The following COL24A1 variants were observed in gnomAD, a reference collection of about 807,000 sequenced individuals.
COL24A1 encodes the protein collagen type XXIV alpha 1 chain, also known as collagen alpha-1(XXIV) chain.
Under a neutral mutation model 253.9 loss-of-function variants are expected in COL24A1, and 224 were observed. That is an observed-to-expected ratio of 0.88 (90% CI 0.79 to 0.99). COL24A1 has a LOEUF of 0.99. Among genes scored for constraint, COL24A1 ranks in the 50% least tolerant of loss-of-function variants. The pLI is 0.00. For missense variants in COL24A1, 2,131 were observed against 2,068.5 expected (o/e 1.03, Z -0.59); for synonymous variants, 685 against 673.7 (o/e 1.02, Z -0.26).
chr1:85,883,937 G>C (rs919592346), intron 32 of COL24A1: 6 of 151,940 alleles, frequency 3.9e-5, no homozygotes, highest in Non-Finnish European at 8.8e-5. Context: ...TTATTATTTT[G>C]TACAAATTGT....
chr1:85,927,141 G>T lies in COL24A1; in HGVS notation c.2563-15708C>A, dbSNP rs183156125. On this transcript the variant is annotated intron_variant, in intron 24 of 59. Transcript: ENST00000370571. ...CCCAGCGTGAGCGACGCAGAAGACG[G>T]GTGATTTCTGCACTTCCATCTGAGG... Among the ~76,000 whole-genome samples, 527 of 152,248 alleles carry T rather than the reference G, an allele frequency of 3.5e-3. 1 individual carries two copies. Among genetic ancestry groups the T allele is most frequent in the Admixed American group, 5.3e-3 (81 of 15,300 alleles).
intron 7 of COL24A1, among the ~76,000 whole-genome samples, chr1:86,083,303 A>T (rs199709022): frequency 7.3e-5 from 11 of 150,646 alleles, no homozygotes; most frequent in South Asian, 2.1e-4. Context: ...GTCTCAAAAA[A>T]ATATATATAT....
chr1:85,971,415 A>G (rs1278726081), intron 20 of COL24A1, 22 bp from the exon 21 acceptor site: 3 of 1,582,048 alleles, frequency 1.9e-6, no homozygotes, highest in African/African-American at 1.4e-5. Context: ...ATATAAATGC[A>G]CACAATAGAA....
intron 53 of COL24A1, 118 bp from the exon 54 acceptor site, chr1:85,761,684 TA>T (rs1666865343): frequency 2.1e-6 from 2 of 952,674 alleles, no homozygotes; most frequent in Non-Finnish European, 3.3e-6. Context: ...TCATACAATT[TA>T]AAATTGTTTT....
intron 22 of COL24A1, among the ~76,000 whole-genome samples, chr1:85,966,359 A>G (rs898357972): frequency 6.6e-6 from 1 of 152,116 alleles, no homozygotes; most frequent in African/African-American, 2.4e-5. Flanking sequence ...TGTGGTAGTT[A>G]TTTATACAAG....
rs185319401 is a variant in COL24A1 at position 85,834,130 on chromosome 1, A to T, written c.3681+4455T>A. Among the ~76,000 whole-genome samples, 161 of 151,360 alleles carry T rather than the reference A, an allele frequency of 1.1e-3. 1 individual carries two copies. The highest frequency in any genetic ancestry group is 1.8e-3 in the Admixed American group (28 of 15,184). On this transcript the variant is annotated intron_variant, in intron 43 of 59. Transcript: ENST00000370571. ...TTAAAGTATAATAATAATAAAATTT[A>T]AAAAAAAAGTAAATACAAAAAAATG...
chr1:86,103,354 T>A (rs1557633544), intron 5 of COL24A1, among the ~76,000 whole-genome samples: 1 of 152,216 alleles, frequency 6.6e-6, no homozygotes, highest in South Asian at 2.1e-4. Flanking sequence ...TTCCTTTTCA[T>A]TGAGACATTT....
At position 85,965,053 on chromosome 1, in the gene COL24A1, C is replaced by T. The variant is rs1691429739; in HGVS notation, c.2473G>A (p.Gly825Ser). 1.2e-6 allele frequency: 2 copies of T among 1,609,932 alleles called. No homozygotes were observed. Among genetic ancestry groups the T allele is most frequent in the Non-Finnish European group, 1.7e-6 (2 of 1,177,712 alleles). ...GGTTCACCTGCATACCCCTTTTGAC[C>T]TGGTTTTCCCTAGAAGAGAACAGCA... Reference protein sequence around the residue: ...FGELGPRGKPGQKGYAGEPGP... With the variant: ...FGELGPRGKPSQKGYAGEPGP... Residue 825 changes from glycine (G) to serine (S), a missense_variant, in exon 23 of 60, where the codon GGT becomes AGT. Gly to Ser is a moderately conservative substitution (Grantham distance 56). Coordinates refer to ENST00000370571, the MANE Select transcript of COL24A1 (RefSeq NM_152890.7).
chr1:85,949,036 C>G (rs970899884), intron 24 of COL24A1, among the ~76,000 whole-genome samples: 2 of 152,054 alleles, frequency 1.3e-5, no homozygotes, highest in African/African-American at 4.8e-5. Flanking sequence ...TTTTCAGTAT[C>G]GGTTATCGTG....
intron 24 of COL24A1, among the ~76,000 whole-genome samples, chr1:85,949,256 A>T (rs1158995402): frequency 6.6e-6 from 1 of 152,208 alleles, no homozygotes; most frequent in Non-Finnish European, 1.5e-5. Flanking sequence ...ATAGGAAGGG[A>T]AACACAGATT....
chr1:86,044,196 T>C (rs1383976840), intron 12 of COL24A1, among the ~76,000 whole-genome samples: 1 of 152,204 alleles, frequency 6.6e-6, no homozygotes, highest in Non-Finnish European at 1.5e-5. Context: ...ACCATCTAAA[T>C]TGAAGTACAA....
intron 7 of COL24A1, among the ~76,000 whole-genome samples, chr1:86,082,536 A>G (rs1400679407): frequency 6.6e-6 from 1 of 151,388 alleles, no homozygotes; most frequent in African/African-American, 2.4e-5. Context: ...AACCTCCACT[A>G]TGTACTATAA....
intron 37 of COL24A1, among the ~76,000 whole-genome samples, chr1:85,856,255 T>C (rs1678429680): frequency 6.6e-6 from 1 of 152,226 alleles, no homozygotes; most frequent in Non-Finnish European, 1.5e-5. Context: ...GCTCCTGTTT[T>C]TCTAGTTCCT....
chr1:85,936,712 C>T lies in COL24A1; in HGVS notation c.2562+24537G>A, dbSNP rs1050121642. On this transcript the variant is annotated intron_variant, in intron 24 of 59. Transcript: ENST00000370571. Reference sequence around the variant, plus strand: ...GGGCCACATGACCTGGCAGACCCTACGGTATTAGAGGAATCAATGGTGGAA... The same window carrying T: ...GGGCCACATGACCTGGCAGACCCTATGGTATTAGAGGAATCAATGGTGGAA... 1.9e-4 allele frequency among the ~76,000 whole-genome samples: 28 copies of T among 146,938 alleles called. 2 individuals carry two copies. Among genetic ancestry groups the T allele is most frequent in the Admixed American group, 1.2e-3 (18 of 14,628 alleles).
At chr1:85,988,445 T>G (rs1214414200) in intron 19 of COL24A1, among the ~76,000 whole-genome samples, 2 of 152,042 alleles carry the variant, frequency 1.3e-5, no homozygotes, top group Non-Finnish European at 2.9e-5. Context: ...AGAATGTTGC[T>G]TTAAAAGTAT....
chr1:85,828,621 T>C (rs1187434470), intron 43 of COL24A1, among the ~76,000 whole-genome samples: 2 of 148,106 alleles, frequency 1.4e-5, no homozygotes, highest in Non-Finnish European at 3.0e-5. Context: ...ATTGGGTGCA[T>C]ATATATTTAG....
At chr1:85,907,733 G>T (rs551024980) in intron 27 of COL24A1, among the ~76,000 whole-genome samples, 70 of 151,820 alleles carry the variant, frequency 4.6e-4, no homozygotes, top group African/African-American at 1.6e-3. Flanking sequence ...AAAATAGCCT[G>T]CAATGGAGAT....
chr1:85,783,756 G>A (rs568653212), intron 50 of COL24A1, among the ~76,000 whole-genome samples, 198 bp from the exon 51 acceptor site: 170 of 152,274 alleles, frequency 1.1e-3, no homozygotes, highest in African/African-American at 3.8e-3. Context: ...AGAGGGATAC[G>A]TAGATGGATA....
At chr1:85,901,640 A>G (rs1018501115) in intron 28 of COL24A1, among the ~76,000 whole-genome samples, 10 of 151,802 alleles carry the variant, frequency 6.6e-5, no homozygotes, top group Admixed American at 5.2e-4. Context: ...GTGAAACCCC[A>G]TCTCTACTAA....
Sources: gnomAD v4.1 joint callset for allele counts (sites outside exome capture counted in the v4.1 genomes callset) on GRCh38, gnomAD v4.1.1 for gene constraint, MANE v1.5 for transcripts, NCBI Gene and HGNC (gene_info 2026-07-23, HGNC 2026-07-21) for gene names.